BICD1: variants seen among roughly 807,000 people sequenced by gnomAD.
BICD1 encodes the protein BICD cargo adaptor 1, also known as protein bicaudal D homolog 1.
In BICD1, 35 loss-of-function variants were observed where a neutral mutation model predicts 92.5. The ratio of observed to expected loss-of-function variants is 0.38; its 90% CI spans 0.29 to 0.50. The LOEUF (loss-of-function observed/expected upper bound fraction) is 0.50, where lower values mean the gene tolerates loss of function less well. Ranked by LOEUF, BICD1 falls within the 20% of genes least tolerant of loss-of-function variation. The pLI is 0.93. For missense variants in BICD1, 950 were observed against 1,189.8 expected, an observed-to-expected ratio of 0.80 and a Z score of 2.97; for synonymous variants, 429 against 465.1, an observed-to-expected ratio of 0.92 and a Z score of 1.00.
intron 3 of BICD1, among the ~76,000 whole-genome samples, chr12:32,296,893 G>A (rs936491632): frequency 6.6e-6 from 1 of 152,128 alleles, no homozygotes; most frequent in Non-Finnish European, 1.5e-5. Flanking sequence ...GTTTCCCCAT[G>A]CCCTTCTCCC....
At chr12:32,367,816 A>T in intron 9 of BICD1, 71 bp downstream of exon 9, 1 of 1,347,332 alleles carries the variant, frequency 7.4e-7, no homozygotes, top group Admixed American at 1.7e-5. Flanking sequence ...CCCCTTTCCG[A>T]CACCTGAACT....
At chr12:32,157,691 G>C (rs1035093474) in intron 1 of BICD1, among the ~76,000 whole-genome samples, 2 of 152,260 alleles carry the variant, frequency 1.3e-5, no homozygotes, top group Admixed American at 6.5e-5. Flanking sequence ...ATGACAGCTG[G>C]TTTCCTACTT....
intron 2 of BICD1, among the ~76,000 whole-genome samples, chr12:32,270,275 T>G (rs2136144899): frequency 6.6e-6 from 1 of 152,168 alleles, no homozygotes; most frequent in African/African-American, 2.4e-5. Context: ...AATCTAATGG[T>G]ACTATATTCG....
At chr12:32,373,635 G>A (rs1406048788) in intron 9 of BICD1, among the ~76,000 whole-genome samples, 1 of 152,138 alleles carries the variant, frequency 6.6e-6, no homozygotes, top group Non-Finnish European at 1.5e-5. Context: ...CACTTTGGGA[G>A]GCTGAGGCGG....
At chr12:32,246,029 CAAAAAAAAAAA>C (rs71068311) in intron 2 of BICD1, among the ~76,000 whole-genome samples, 1,063 of 44,206 alleles carry the variant, frequency 0.024, 33 homozygotes, top group African/African-American at 0.097. Flanking sequence ...TACTCTGTCT[CAAAAAAAAAAA>C]AAAAAAAAAA....
chr12:32,180,139 G>A (rs1944230528), intron 1 of BICD1, among the ~76,000 whole-genome samples: 1 of 151,836 alleles, frequency 6.6e-6, no homozygotes, highest in African/African-American at 2.4e-5. Flanking sequence ...CTCCCTTTAT[G>A]AAGTGGCAAA....
At chr12:32,326,088 A>AC (rs1249852372) in intron 4 of BICD1, among the ~76,000 whole-genome samples, 1 of 150,808 alleles carries the variant, frequency 6.6e-6, no homozygotes, top group African/African-American at 2.4e-5. Context: ...CTCAAAAAAA[A>AC]AAAAAAAAAA....
chr12:32,229,394 G>A (rs913878410), intron 2 of BICD1, among the ~76,000 whole-genome samples: 8 of 152,128 alleles, frequency 5.3e-5, no homozygotes, highest in Non-Finnish European at 1.2e-4. Flanking sequence ...AGCATTGAGA[G>A]GTGGGGGACA....
At chr12:32,335,409 C>G (rs1412632425) in intron 6 of BICD1, among the ~76,000 whole-genome samples, 1 of 151,786 alleles carries the variant, frequency 6.6e-6, no homozygotes, top group African/African-American at 2.4e-5. Context: ...CTCGGCCTCC[C>G]AAAGTGCTGG....
In BICD1 at chr12:32,106,912, C is replaced by T. The variant is rs922780529; in HGVS notation, c.-420C>T. On this transcript the variant is annotated 5_prime_UTR_variant, in exon 1 of 10. Transcript: ENST00000652176. ...TGGAGCGAGAGAGCGAGCCGCGAGC[C>T]GGAGCGCGCCAGACCCAGGGCGAGA... is the stretch of plus-strand genomic sequence containing the variant. 4.5e-5 allele frequency: 8 copies of T among 176,812 alleles called. No individual in the cohort carries two copies. The highest frequency in any genetic ancestry group is 5.8e-5 in the Admixed American group (1 of 17,110). The allele number at this position is 176,812 out of a possible 1,614,324, so 11.0% of individuals were successfully genotyped here.
In BICD1 at chr12:32,216,479, A is replaced by G. The variant is rs201581976; in HGVS notation, c.426+20A>G. On this transcript the variant is annotated intron_variant, in intron 2 of 9. Coordinates refer to ENST00000652176, the MANE Select transcript of BICD1 (RefSeq NM_001714.4). ...AAGGAGGTAAATAAACAAATTCCCT[A>G]TGAGAGATTTGTGAGAGGGAGAAAT... is the stretch of plus-strand genomic sequence containing the variant. The G allele has an allele frequency of 1.6e-3, 2,599 of 1,608,920 alleles. 7 individuals carry two copies. The highest frequency in any genetic ancestry group is 1.9e-3 in the Non-Finnish European group (2,202 of 1,176,852).
At chr12:32,304,379 CTTTAT>C (rs1948154140) in intron 3 of BICD1, among the ~76,000 whole-genome samples, 1 of 152,096 alleles carries the variant, frequency 6.6e-6, no homozygotes, top group African/African-American at 2.4e-5. Context: ...ATCATGATGA[CTTTAT>C]TTTACTTTTT....
chr12:32,360,639 T>A (rs984257512), intron 8 of BICD1, among the ~76,000 whole-genome samples: 1 of 152,192 alleles, frequency 6.6e-6, no homozygotes, highest in African/African-American at 2.4e-5. Context: ...GCATTTTTTT[T>A]TAATATTCTT....
chr12:32,369,351 C>T (rs1054217647), intron 9 of BICD1, among the ~76,000 whole-genome samples: 6 of 152,238 alleles, frequency 3.9e-5, no homozygotes, highest in Non-Finnish European at 7.3e-5. Context: ...GTGTTCTCTC[C>T]TTATCACAGC....
chr12:32,351,703 G>C (rs1237738234), intron 8 of BICD1, among the ~76,000 whole-genome samples: 10 of 151,496 alleles, frequency 6.6e-5, no homozygotes, highest in African/African-American at 2.4e-4. Flanking sequence ...AGGAGTTCAA[G>C]ACCAGCCTGG....
intron 2 of BICD1, among the ~76,000 whole-genome samples, chr12:32,246,505 C>T (rs547885598): frequency 3.4e-4 from 51 of 151,700 alleles, no homozygotes; most frequent in Admixed American, 1.1e-3. Flanking sequence ...AGACATGGTG[C>T]CGTGTGCCTA....
chr12:32,367,415 T>A, intron 8 of BICD1: 1 of 345,046 alleles, frequency 2.9e-6, no homozygotes, highest in Non-Finnish European at 5.3e-6. Context: ...TGGCCACATA[T>A]ATCCTAATGT....
chr12:32,178,651 T>C (rs1944187048), intron 1 of BICD1, among the ~76,000 whole-genome samples: 1 of 152,042 alleles, frequency 6.6e-6, no homozygotes, highest in Admixed American at 6.6e-5. Flanking sequence ...TTGATTCAAG[T>C]TGGAGCCACT....
chr12:32,188,668 C>T (rs1394785179), intron 1 of BICD1, among the ~76,000 whole-genome samples: 1 of 151,970 alleles, frequency 6.6e-6, no homozygotes, highest in Non-Finnish European at 1.5e-5. Flanking sequence ...GTTCACTGGG[C>T]TCTGAAGACC....
Sources: gnomAD v4.1 joint callset for allele counts (sites outside exome capture counted in the v4.1 genomes callset) on GRCh38, gnomAD v4.1.1 for gene constraint, MANE v1.5 for transcripts, NCBI Gene and HGNC (gene_info 2026-07-23, HGNC 2026-07-21) for gene names.